Variants in MACROH2A2 observed in about 807,000 individuals in gnomAD.
MACROH2A2 encodes the protein macroH2A.2 histone.
A neutral mutation model predicts 37.6 loss-of-function variants in MACROH2A2; 6 were observed. The ratio of observed to expected loss-of-function variants is 0.16; its 90% CI spans 0.09 to 0.32. The LOEUF (loss-of-function observed/expected upper bound fraction) is 0.32, where lower values mean the gene tolerates loss of function less well. Among genes scored for constraint, MACROH2A2 ranks in the 10% least tolerant of loss-of-function variants. The pLI is 1.00. For missense variants in MACROH2A2, 290 were observed against 485.9 expected, an observed-to-expected ratio of 0.60 and a Z score of 3.79; for synonymous variants, 192 against 202.7, an observed-to-expected ratio of 0.95 and a Z score of 0.45.
chr10:70,067,995 G>C (rs1349352004), intron 1 of MACROH2A2, among the ~76,000 whole-genome samples: 1 of 152,118 alleles, frequency 6.6e-6, no homozygotes, highest in Non-Finnish European at 1.5e-5. Context: ...GAGTTTTGGA[G>C]GTAGCCACCA....
chr10:70,071,574 C>T (rs1418687178), intron 1 of MACROH2A2, among the ~76,000 whole-genome samples: 1 of 152,114 alleles, frequency 6.6e-6, no homozygotes, highest in Non-Finnish European at 1.5e-5. Flanking sequence ...GAAAGGGGTA[C>T]GTTCTGAGAA....
At chr10:70,099,048 C>T (rs2072291981) in intron 6 of MACROH2A2, 1 of 152,192 alleles carries the variant, frequency 6.6e-6, no homozygotes, top group African/African-American at 2.4e-5. Context: ...AACTGGCTAC[C>T]AGCTTCAGTT....
At chr10:70,080,303 C>T (rs1289772538) in intron 2 of MACROH2A2, among the ~76,000 whole-genome samples, 2 of 150,226 alleles carry the variant, frequency 1.3e-5, no homozygotes, top group East Asian at 2.0e-4. Flanking sequence ...AGAGTCTTGC[C>T]GAGAGGAAGG....
chr10:70,092,033 T>C (rs2072248509), intron 4 of MACROH2A2, 79 bp downstream of exon 4: 1 of 1,147,422 alleles, frequency 8.7e-7, no homozygotes, highest in South Asian at 1.4e-5. Flanking sequence ...ACAATTCATA[T>C]GTTGAAACCT....
chr10:70,081,500 G>C (rs1484935295), intron 2 of MACROH2A2, among the ~76,000 whole-genome samples: 2 of 152,106 alleles, frequency 1.3e-5, no homozygotes, highest in Non-Finnish European at 2.9e-5. Flanking sequence ...GAAAGCCAGA[G>C]GGTAAGGAGG....
chr10:70,108,856 A>G (rs1304815419), intron 7 of MACROH2A2, among the ~76,000 whole-genome samples, 177 bp from the exon 8 acceptor site: 1 of 152,206 alleles, frequency 6.6e-6, no homozygotes, highest in Non-Finnish European at 1.5e-5. Flanking sequence ...GTGCAAAGCA[A>G]TACAGCCCAG....
chr10:70,089,823 A>G (rs2136634359), intron 2 of MACROH2A2, among the ~76,000 whole-genome samples: 1 of 152,148 alleles, frequency 6.6e-6, no homozygotes, highest in South Asian at 2.1e-4. Flanking sequence ...CAGTGGCACA[A>G]TCATAGCTCA....
In MACROH2A2 at chr10:70,107,050, C is replaced by A. The variant is rs1252780198; in HGVS notation, c.779-1983C>A. On this transcript the variant is annotated intron_variant, in intron 7 of 8. Coordinates refer to ENST00000373255, the MANE Select transcript of MACROH2A2 (RefSeq NM_018649.3). The surrounding 1 kb of genome is among the most constrained non-coding windows in gnomAD (Gnocchi z 4.4). ...CATCATTGTTCAGTCCAAAGAGGGA[C>A]ACTCTGCTTCTGGTGCACAAATATA... is the stretch of plus-strand genomic sequence containing the variant. Among the ~76,000 whole-genome samples the A allele has an allele frequency of 6.6e-6, 1 of 152,148 alleles. No homozygotes were observed. The highest frequency in any genetic ancestry group is 1.5e-5 in the Non-Finnish European group (1 of 68,030).
At chr10:70,065,473 T>C (rs2072074123) in intron 1 of MACROH2A2, among the ~76,000 whole-genome samples, 3 of 152,148 alleles carry the variant, frequency 2.0e-5, no homozygotes, top group African/African-American at 7.2e-5. Context: ...AATCAATAAA[T>C]AAATAGAACA....
chr10:70,086,433 G>A (rs538429472), intron 2 of MACROH2A2, among the ~76,000 whole-genome samples: 18 of 152,234 alleles, frequency 1.2e-4, no homozygotes, highest in African/African-American at 4.3e-4. Context: ...TCCCTGAATT[G>A]TGCTGCATGC....
At chr10:70,082,162 G>A (rs559410812) in intron 2 of MACROH2A2, among the ~76,000 whole-genome samples, 174 of 152,340 alleles carry the variant, frequency 1.1e-3, no homozygotes, top group African/African-American at 3.9e-3. Flanking sequence ...GCTCACGCCT[G>A]TAATCCCTGC....
In MACROH2A2 at chr10:70,076,960, C is replaced by T. The variant is rs12260565; in HGVS notation, c.172+1130C>T. On this transcript the variant is annotated intron_variant, in intron 2 of 8. Transcript: ENST00000373255. ...GATCCAAGGAGGAAATGTCCTCCCC[C>T]GAGAGCTTCCACCAGGCAGACCTCT... Among the ~76,000 whole-genome samples, 755 of 151,968 alleles carry T rather than the reference C, an allele frequency of 5.0e-3. 7 individuals carry two copies. The highest frequency in any genetic ancestry group is 0.017 in the African/African-American group (721 of 41,418).
intron 7 of MACROH2A2, among the ~76,000 whole-genome samples, chr10:70,102,140 C>T (rs2072310393): frequency 6.6e-6 from 1 of 152,204 alleles, no homozygotes. Context: ...AATTGGGGCA[C>T]AGAGCAGGAG....
chr10:70,100,322 C>T, intron 7 of MACROH2A2, 25 bp downstream of exon 7: 4 of 1,311,566 alleles, frequency 3.0e-6, no homozygotes, highest in Non-Finnish European at 4.4e-6. Flanking sequence ...AGGCTCCTGT[C>T]ACCAGCATGG....
intron 1 of MACROH2A2, among the ~76,000 whole-genome samples, chr10:70,056,239 GT>G (rs1036766265): frequency 1.3e-5 from 2 of 151,836 alleles, no homozygotes; most frequent in Non-Finnish European, 2.9e-5. Context: ...TCTGTAATTT[GT>G]TTTTTTTGTT....
intron 7 of MACROH2A2, 147 bp from the exon 8 acceptor site, chr10:70,108,886 T>C (rs1048132195): frequency 1.8e-5 from 13 of 715,290 alleles, no homozygotes; most frequent in African/African-American, 3.5e-5. Flanking sequence ...TCGTTAAACA[T>C]AGTCCACATC....
intron 1 of MACROH2A2, among the ~76,000 whole-genome samples, chr10:70,064,224 C>T (rs969094069): frequency 7.2e-5 from 11 of 152,094 alleles, no homozygotes; most frequent in Middle Eastern, 3.4e-3. Flanking sequence ...CAAAAATTAG[C>T]CAGGTGTGGT....
intron 6 of MACROH2A2, chr10:70,099,543 A>C (rs2072294519): frequency 6.6e-6 from 1 of 152,242 alleles, no homozygotes; most frequent in Non-Finnish European, 1.5e-5. Flanking sequence ...TGAGAGCTGG[A>C]TGCGCTGGTG....
chr10:70,106,149 C>G (rs1290932532), intron 7 of MACROH2A2, among the ~76,000 whole-genome samples: 3 of 152,188 alleles, frequency 2.0e-5, no homozygotes, highest in Non-Finnish European at 4.4e-5. Flanking sequence ...GTGGTGACTC[C>G]CAAGAACTGT....
Sources: gnomAD v4.1 joint callset for allele counts (sites outside exome capture counted in the v4.1 genomes callset) on GRCh38, gnomAD v4.1.1 for gene constraint, Gnocchi (gnomAD v3.1) non-coding constraint, MANE v1.5 for transcripts, NCBI Gene and HGNC (gene_info 2026-07-23, HGNC 2026-07-21) for gene names.